The following SUCLA2 variants were observed in gnomAD, a reference collection of about 807,000 sequenced individuals.
SUCLA2 encodes the protein succinate--CoA ligase [ADP-forming] subunit beta, mitochondrial.
Under a neutral mutation model 54.8 loss-of-function variants are expected in SUCLA2, and 30 were observed. The ratio of observed to expected loss-of-function variants is 0.55; its 90% CI spans 0.41 to 0.74. The LOEUF is 0.74. Among genes scored for constraint, SUCLA2 ranks in the 30% least tolerant of loss-of-function variants. The probability of loss-of-function intolerance (pLI) is 0.00; values close to 1 mark genes in which losing one functional copy is unlikely to be tolerated. For synonymous variants in SUCLA2, 172 were observed against 188.9 expected (o/e 0.91, Z 0.74); for missense variants, 476 against 562.9 (o/e 0.85, Z 1.56).
intron 6 of SUCLA2, among the ~76,000 whole-genome samples, chr13:47,963,545 C>T (rs1216841803): frequency 2.0e-5 from 3 of 151,716 alleles, no homozygotes; most frequent in African/African-American, 4.8e-5. Flanking sequence ...CTCGGGGGGC[C>T]GAGACAGGAG....
chr13:47,954,348 C>G, intron 7 of SUCLA2, 48 bp downstream of exon 7: 11 of 1,613,706 alleles, frequency 6.8e-6, no homozygotes, highest in Non-Finnish European at 9.3e-6. Flanking sequence ...CTTAGTAAAT[C>G]CAAATTAAAC....
chr13:47,957,274 AT>A (rs970163013), intron 6 of SUCLA2, among the ~76,000 whole-genome samples: 24 of 152,326 alleles, frequency 1.6e-4, no homozygotes, highest in African/African-American at 5.5e-4. Flanking sequence ...GCAGCACCCG[AT>A]TAAAGCCTTC....
At chr13:47,974,822 T>C (rs1417669469) in intron 4 of SUCLA2, among the ~76,000 whole-genome samples, 1 of 152,170 alleles carries the variant, frequency 6.6e-6, no homozygotes, top group African/African-American at 2.4e-5. Context: ...AAAACTGCAT[T>C]TAAAGATTGT....
chr13:47,949,721 C>A, intron 8 of SUCLA2, 118 bp from the exon 9 acceptor site: 1 of 1,034,778 alleles, frequency 9.7e-7, no homozygotes, highest in South Asian at 1.4e-5. Context: ...GATTTTCAGA[C>A]CAAACCACAA....
intron 4 of SUCLA2, among the ~76,000 whole-genome samples, chr13:47,980,154 C>T (rs554907265): frequency 2.0e-4 from 30 of 152,286 alleles, no homozygotes; most frequent in African/African-American, 3.4e-4. Context: ...CGGTGGCTCA[C>T]GCCTGTAATC....
chr13:47,954,118 AT>A (rs776270672), intron 8 of SUCLA2, 21 bp downstream of exon 8: 8 of 1,591,310 alleles, frequency 5.0e-6, no homozygotes, highest in African/African-American at 1.3e-5. Flanking sequence ...TGATATAAAA[AT>A]ATATCAAGCC....
At chr13:47,991,524 T>C (rs993674502) in intron 2 of SUCLA2, 2 of 152,238 alleles carry the variant, frequency 1.3e-5, no homozygotes, top group African/African-American at 4.8e-5. Flanking sequence ...CTTTCCGCCA[T>C]AGAATTCATC....
Position 47,996,917 on chromosome 13 carries a change from T to G in SUCLA2, c.197A>C (p.Glu66Ala). 6.2e-7 allele frequency: 1 copy of G among 1,614,052 alleles called. No individual in the cohort carries two copies. The highest frequency in any genetic ancestry group is 8.5e-7 in the Non-Finnish European group (1 of 1,179,962). ...TCCTTTGGGAACGGAGACACCAGCT[T>G]CTTGCAATAATTCCATACTCATGTA... ...HEYMSMELLQ[E>A]AGVSVPKGYV... Residue 66 changes from glutamate (E) to alanine (A), a missense_variant, in exon 2 of 11, where the codon GAA becomes GCA. Physicochemically the swap from Glu to Ala is moderately radical, Grantham distance 107. Around this residue, in one of 2 missense-constraint regions of SUCLA2, gnomAD observed 134 missense variants for 118.7 expected, o/e 1.13. Coordinates refer to ENST00000646932, the MANE Select transcript of SUCLA2 (RefSeq NM_003850.3).
chr13:47,998,296 T>TAAAAAAAAAAAAAAAG (rs1950204774), intron 1 of SUCLA2, among the ~76,000 whole-genome samples: 1 of 136,188 alleles, frequency 7.3e-6, no homozygotes, highest in Non-Finnish European at 1.6e-5. Context: ...ATAAATAAGT[T>TAAAAAAAAAAAAAAAG]AAAAAAAAAA....
At chr13:47,982,329 A>AT (rs1384197911) in intron 4 of SUCLA2, among the ~76,000 whole-genome samples, 15 of 152,322 alleles carry the variant, frequency 9.8e-5, no homozygotes, top group Admixed American at 7.2e-4. Flanking sequence ...TTATGCTGAG[A>AT]TAAACCAGTT....
intron 1 of SUCLA2, among the ~76,000 whole-genome samples, chr13:47,998,296 TAAAAA>T (rs58573331): frequency 7.3e-6 from 1 of 136,188 alleles, no homozygotes. Flanking sequence ...ATAAATAAGT[TAAAAA>T]AAAAAAAAAA....
At chr13:47,985,171 C>T (rs1950091594) in intron 4 of SUCLA2, among the ~76,000 whole-genome samples, 1 of 152,196 alleles carries the variant, frequency 6.6e-6, no homozygotes, top group Non-Finnish European at 1.5e-5. Context: ...AAAAACAAGT[C>T]AGTAATAGAA....
At chr13:47,986,003 T>C (rs1347829490) in intron 4 of SUCLA2, among the ~76,000 whole-genome samples, 4 of 149,570 alleles carry the variant, frequency 2.7e-5, no homozygotes, top group African/African-American at 1.0e-4. Flanking sequence ...AGCTTTTTAA[T>C]CACATGTGTG....
intron 5 of SUCLA2, among the ~76,000 whole-genome samples, chr13:47,969,222 T>G (rs1458664601): frequency 6.6e-6 from 1 of 152,052 alleles, no homozygotes; most frequent in Non-Finnish European, 1.5e-5. Context: ...AAATATAAAA[T>G]GTGGACTGAC....
At chr13:47,948,788 T>G (rs1949754694) in intron 10 of SUCLA2, 152 bp downstream of exon 10, 4 of 784,228 alleles carry the variant, frequency 5.1e-6, no homozygotes, top group Non-Finnish European at 8.7e-6. Context: ...CCTTAACATC[T>G]TTCAGCAAGA....
intron 4 of SUCLA2, among the ~76,000 whole-genome samples, chr13:47,978,909 A>T (rs1950039111): frequency 6.6e-6 from 1 of 152,212 alleles, no homozygotes; most frequent in Non-Finnish European, 1.5e-5. Context: ...AAAACATACG[A>T]AAAAAAGCTT....
At position 47,943,343 on chromosome 13, in the gene SUCLA2, A is replaced by C. The variant is rs15840; in HGVS notation, c.*28T>G. On this transcript the variant is annotated 3_prime_UTR_variant, in exon 11 of 11. Transcript: ENST00000646932. ...TCTTAATGATTATAGCACATTTAACACCTTCAGCCATCCACTGGGTTTTCA... is the reference window on the plus strand; with the variant it reads ...TCTTAATGATTATAGCACATTTAACCCCTTCAGCCATCCACTGGGTTTTCA... 6.2e-7 allele frequency: 1 copy of C among 1,602,578 alleles called. No homozygotes were observed. Among genetic ancestry groups the C allele is most frequent in the Admixed American group, 1.7e-5 (1 of 59,994 alleles).
At chr13:47,969,830 A>G (rs974376183) in intron 5 of SUCLA2, among the ~76,000 whole-genome samples, 3 of 152,192 alleles carry the variant, frequency 2.0e-5, no homozygotes, top group Non-Finnish European at 4.4e-5. Flanking sequence ...GGCTGGGCGC[A>G]GTGGCTCAAG....
At chr13:47,994,755 G>C (rs1432317021) in intron 2 of SUCLA2, 2 of 840,456 alleles carry the variant, frequency 2.4e-6, no homozygotes, top group Non-Finnish European at 2.9e-6. Flanking sequence ...CTTTCTAAAT[G>C]AACAAGGTAT....
Sources: gnomAD v4.1 joint callset for allele counts (sites outside exome capture counted in the v4.1 genomes callset) on GRCh38, gnomAD v4.1.1 for gene constraint, gnomAD v4.1.1 regional missense constraint, MANE v1.5 for transcripts, NCBI Gene and HGNC (gene_info 2026-07-23, HGNC 2026-07-21) for gene names.